Variants in RGSL1 observed in about 807,000 individuals in gnomAD.
RGSL1 encodes regulator of G protein signaling protein-like.
RGSL1 carries 97 observed loss-of-function variants against 124.7 expected under a neutral mutation model. The observed-to-expected ratio is 0.78, with a 90% CI of 0.66 to 0.92. RGSL1 has a LOEUF of 0.92. RGSL1 is among the 40% of genes least tolerant of loss of function. The probability of loss-of-function intolerance (pLI) is 0.00; values close to 1 mark genes in which losing one functional copy is unlikely to be tolerated. For synonymous variants in RGSL1, 424 were observed against 438.1 expected (o/e 0.97, Z 0.40); for missense variants, 1,233 against 1,288.4 (o/e 0.96, Z 0.66).
At chr1:182,485,463 G>T (rs1655030514) in intron 6 of RGSL1, among the ~76,000 whole-genome samples, 1 of 152,136 alleles carries the variant, frequency 6.6e-6, no homozygotes, top group Non-Finnish European at 1.5e-5. Context: ...CTTGATCCTT[G>T]GTTTTCTCAT....
chr1:182,548,995 C>A, intron 17 of RGSL1, 171 bp downstream of exon 17: 1 of 738,398 alleles, frequency 1.4e-6, no homozygotes, highest in Non-Finnish European at 2.1e-6. Context: ...ACACAGAACA[C>A]CAAACACTGA....
At chr1:182,525,463 GA>G (rs1260461338) in intron 10 of RGSL1, among the ~76,000 whole-genome samples, 4 of 151,954 alleles carry the variant, frequency 2.6e-5, no homozygotes, top group Non-Finnish European at 5.9e-5. Context: ...AAAATATAAT[GA>G]AAAAATCTGG....
At chr1:182,454,208 C>G (rs1358450459) in intron 2 of RGSL1, among the ~76,000 whole-genome samples, 168 bp downstream of exon 2, 1 of 152,088 alleles carries the variant, frequency 6.6e-6, no homozygotes, top group African/African-American at 2.4e-5. Flanking sequence ...GAACCAGAAC[C>G]ACCTGTAAAA....
chr1:182,451,956 G>A (rs1651875360), intron 1 of RGSL1, among the ~76,000 whole-genome samples: 1 of 152,084 alleles, frequency 6.6e-6, no homozygotes, highest in South Asian at 2.1e-4. Flanking sequence ...ATTGCATGTA[G>A]GGACATGGAG....
At chr1:182,448,760 A>T (rs755253168), upstream of RGSL1, among the ~76,000 whole-genome samples, 3 of 152,148 alleles carry the variant, frequency 2.0e-5, no homozygotes, top group Non-Finnish European at 2.9e-5. Flanking sequence ...GGATCTAACC[A>T]TTATGCATTT....
At position 182,557,503 on chromosome 1, in the gene RGSL1, C is replaced by T. The variant is rs191718352; in HGVS notation, c.*165+1281C>T. On this transcript the variant is annotated intron_variant, in intron 21 of 21. Transcript: ENST00000294854. ...ACAAGGATCTAGCAAAATACTAACT[C>T]GTGGTCACATACTGAAATACACTCA... is the stretch of plus-strand genomic sequence containing the variant. 2.1e-4 allele frequency among the ~76,000 whole-genome samples: 32 copies of T among 152,292 alleles called. 1 individual carries two copies. Among genetic ancestry groups the T allele is most frequent in the African/African-American group, 6.3e-4 (26 of 41,554 alleles).
At position 182,463,272 on chromosome 1, in the gene RGSL1, C is replaced by T. The variant is rs181411198; in HGVS notation, c.301+3139C>T. On this transcript the variant is annotated intron_variant, in intron 4 of 21. Transcript: ENST00000294854. ...TCACGCCACTGCACTCCAGCCTGGG[C>T]GACAGAGCAAGACTCCATCTCAAAA... Among the ~76,000 whole-genome samples, 300 of 134,344 alleles carry T rather than the reference C, an allele frequency of 2.2e-3. 1 individual carries two copies. The highest frequency in any genetic ancestry group is 0.013 in the South Asian group (56 of 4,318). 88.1% of individuals were successfully genotyped at this position (134,344 alleles called of 152,430 possible). A position where few individuals can be genotyped will look rare whatever the true frequency, so the allele number is the denominator to read the frequency against.
intron 2 of RGSL1, among the ~76,000 whole-genome samples, chr1:182,455,591 G>GA (rs33976225): frequency 8.6e-4 from 124 of 144,892 alleles, no homozygotes; most frequent in Non-Finnish European, 1.4e-3. Flanking sequence ...CAAAAAGAAA[G>GA]AAAAAAAAAA....
intron 6 of RGSL1, among the ~76,000 whole-genome samples, chr1:182,477,153 G>T (rs1180812327): frequency 6.6e-6 from 1 of 152,160 alleles, no homozygotes; most frequent in Non-Finnish European, 1.5e-5. Context: ...CACCACCCCA[G>T]TGGAGTTCAA....
At chr1:182,483,076 T>C (rs1418288434) in intron 6 of RGSL1, among the ~76,000 whole-genome samples, 1 of 152,172 alleles carries the variant, frequency 6.6e-6, no homozygotes, top group East Asian at 1.9e-4. Flanking sequence ...GATAAACTCA[T>C]AGAAGCAGAA....
chr1:182,544,707 T>C (rs1180190069), intron 15 of RGSL1, among the ~76,000 whole-genome samples: 1 of 152,162 alleles, frequency 6.6e-6, no homozygotes, highest in African/African-American at 2.4e-5. Context: ...ATAATTGTTA[T>C]ATCCTCTTAC....
At chr1:182,498,766 A>G (rs1176675816) in intron 9 of RGSL1, among the ~76,000 whole-genome samples, 1 of 149,596 alleles carries the variant, frequency 6.7e-6, no homozygotes, top group Non-Finnish European at 1.5e-5. Context: ...ATGGCTGATT[A>G]TGTGACCAAC....
chr1:182,471,494 T>A, intron 4 of RGSL1: 1 of 378,934 alleles, frequency 2.6e-6, no homozygotes, highest in South Asian at 2.0e-5. Context: ...TATAAACATG[T>A]TTAATAATGC....
chr1:182,500,740 C>T (rs1159563772), intron 9 of RGSL1, among the ~76,000 whole-genome samples: 2 of 152,074 alleles, frequency 1.3e-5, no homozygotes, highest in Non-Finnish European at 2.9e-5. Context: ...GTATTTAATT[C>T]TTTCTGATGC....
chr1:182,549,623 C>T (rs1660438192), intron 17 of RGSL1: 1 of 152,018 alleles, frequency 6.6e-6, no homozygotes, highest in Non-Finnish European at 1.5e-5. Context: ...GAAATGTTCC[C>T]AGACAAAGCT....
chr1:182,482,232 C>T (rs1408934225), intron 6 of RGSL1, among the ~76,000 whole-genome samples: 2 of 152,008 alleles, frequency 1.3e-5, no homozygotes, highest in African/African-American at 4.8e-5. Flanking sequence ...AAGGAAGGTA[C>T]TCCCACACAA....
At chr1:182,461,633 A>C (rs965661743) in intron 4 of RGSL1, among the ~76,000 whole-genome samples, 1 of 152,166 alleles carries the variant, frequency 6.6e-6, no homozygotes, top group African/African-American at 2.4e-5. Context: ...GTGATAAATG[A>C]ACAAAATGGA....
At chr1:182,448,797 T>C (rs1651625670), upstream of RGSL1, among the ~76,000 whole-genome samples, 2 of 152,194 alleles carry the variant, frequency 1.3e-5, no homozygotes, top group African/African-American at 4.8e-5. Flanking sequence ...ATACTGGCTT[T>C]TCATCTTTAC....
In RGSL1 at chr1:182,474,380, C is replaced by T. The variant is rs1654116353; in HGVS notation, c.1269C>T (p.Ile423=). 8 of 1,551,896 alleles carry T rather than the reference C, an allele frequency of 5.2e-6. No individual in the cohort carries two copies. Among genetic ancestry groups the T allele is most frequent in the African/African-American group, 2.7e-5 (2 of 73,058 alleles). ...LLNNKKNGNA[I]FRHLLGDRIC... ...ATAACAAAAAGAATGGGAATGCAAT[C>T]TTTCGTCACTTGCTGGGTGACAGAA... The change falls in exon 6 of 22, where the codon ATC becomes ATT. Residue 423 remains isoleucine, a synonymous_variant. Transcript: ENST00000294854.
Sources: gnomAD v4.1 joint callset for allele counts (sites outside exome capture counted in the v4.1 genomes callset) on GRCh38, gnomAD v4.1.1 for gene constraint, MANE v1.5 for transcripts, NCBI Gene and HGNC (gene_info 2026-07-23, HGNC 2026-07-21) for gene names.